The following CDH7 variants were observed in gnomAD, a reference collection of about 807,000 sequenced individuals.
CDH7 encodes cadherin-7.
Under a neutral mutation model 71.8 loss-of-function variants are expected in CDH7, and 25 were observed. The observed-to-expected ratio is 0.35, with a 90% CI of 0.25 to 0.49. The LOEUF (loss-of-function observed/expected upper bound fraction) is 0.49, where lower values mean the gene tolerates loss of function less well. Ranked by LOEUF, CDH7 falls within the 20% of genes least tolerant of loss-of-function variation. CDH7 has a pLI of 0.99. For missense variants in CDH7, 862 were observed against 974.6 expected (o/e 0.88, Z 1.54); for synonymous variants, 381 against 363.8 (o/e 1.05, Z -0.54).
chr18:65,833,964 T>A (rs1310243066), intron 6 of CDH7, among the ~76,000 whole-genome samples: 2 of 152,154 alleles, frequency 1.3e-5, no homozygotes, highest in African/African-American at 4.8e-5. Context: ...ATCAAAGATG[T>A]TTTCCAGTGA....
At chr18:65,874,192 C>A (rs1254929757) in intron 11 of CDH7, among the ~76,000 whole-genome samples, 2 of 152,002 alleles carry the variant, frequency 1.3e-5, no homozygotes, top group African/African-American at 4.8e-5. Context: ...GTGGTAGTAG[C>A]CACTAAACAA....
In CDH7 at chr18:65,782,165, CCTTT is replaced by C. The variant is rs1390509392; in HGVS notation, c.210+19133_210+19136del. ...TTCTTTCTTTCTTTCTTTCTTTCTT[CCTTT>C]CTTTCTTTCTTTCTTTCTTGACAGA... On this transcript the variant is annotated intron_variant, in intron 2 of 11. Coordinates refer to ENST00000397968, the MANE Select transcript of CDH7 (RefSeq NM_004361.5). Among the ~76,000 whole-genome samples the C allele has an allele frequency of 7.8e-4, 20 of 25,518 alleles. 2 individuals carry two copies. The highest frequency in any genetic ancestry group is 9.8e-4 in the Non-Finnish European group (13 of 13,218). The allele number at this position is 25,518 out of a possible 152,430, so 16.7% of individuals were successfully genotyped here. A position where few individuals can be genotyped will look rare whatever the true frequency, so the allele number is the denominator to read the frequency against.
chr18:65,848,957 T>G (rs540415016), intron 7 of CDH7, among the ~76,000 whole-genome samples: 12 of 152,172 alleles, frequency 7.9e-5, no homozygotes, highest in Non-Finnish European at 1.2e-4. Context: ...TTTGAATAAT[T>G]CAGTGTGTAT....
intron 6 of CDH7, among the ~76,000 whole-genome samples, chr18:65,829,741 G>T (rs1028439601): frequency 6.7e-6 from 1 of 150,188 alleles, no homozygotes; most frequent in Non-Finnish European, 1.5e-5. Context: ...CACAGCGCCT[G>T]TACCAGCAAG....
At chr18:65,810,052 T>A in intron 3 of CDH7, 54 bp downstream of exon 3, 1 of 1,435,130 alleles carries the variant, frequency 7.0e-7, no homozygotes, top group South Asian at 1.3e-5. Flanking sequence ...GGGAGATTTG[T>A]ATTTAAAATT....
chr18:65,753,772 G>GA (rs1420815195), intron 1 of CDH7, among the ~76,000 whole-genome samples: 1 of 152,168 alleles, frequency 6.6e-6, no homozygotes, highest in Non-Finnish European at 1.5e-5. Flanking sequence ...TGGTTCTGCA[G>GA]AAAGATACCC....
At chr18:65,835,689 G>A (rs1193369003) in intron 6 of CDH7, among the ~76,000 whole-genome samples, 1 of 152,142 alleles carries the variant, frequency 6.6e-6, no homozygotes, top group Non-Finnish European at 1.5e-5. Flanking sequence ...GAGCTGTAAG[G>A]TAAACCAGGT....
intron 2 of CDH7, among the ~76,000 whole-genome samples, chr18:65,775,623 A>G (rs1007414119): frequency 1.5e-4 from 23 of 152,202 alleles, no homozygotes; most frequent in Non-Finnish European, 2.2e-4. Context: ...TCTTGGACCA[A>G]ACATAAAATA....
At chr18:65,814,331 TA>T (rs199651757) in intron 3 of CDH7, among the ~76,000 whole-genome samples, 153 bp from the exon 4 acceptor site, 2 of 150,376 alleles carry the variant, frequency 1.3e-5, no homozygotes, top group Non-Finnish European at 3.0e-5. Flanking sequence ...CTGGTTTACT[TA>T]AAAAAATACT....
At position 65,824,595 on chromosome 18, in the gene CDH7, A is replaced by T. The variant is rs73966330; in HGVS notation, c.794-49A>T. The stretch of plus-strand genomic sequence containing the variant: ...AAAATAACCCAATATTTAAATTTTT[A>T]TTGGTTAGTTTGGTGTAACGTGTTC... On this transcript the variant is annotated intron_variant, in intron 5 of 11. Coordinates refer to ENST00000397968, the MANE Select transcript of CDH7 (RefSeq NM_004361.5). The T allele has an allele frequency of 7.2e-3, 8,773 of 1,225,374 alleles. 471 individuals are homozygous for T. The African/African-American group carries it at 0.12, about 17-fold the overall frequency. The allele number at this position is 1,225,374 out of a possible 1,614,324, so 75.9% of individuals were successfully genotyped here. A position where few individuals can be genotyped will look rare whatever the true frequency, so the allele number is the denominator to read the frequency against.
intron 6 of CDH7, among the ~76,000 whole-genome samples, chr18:65,842,181 G>C (rs1360647615): frequency 6.6e-6 from 1 of 151,910 alleles, no homozygotes; most frequent in South Asian, 2.1e-4. Flanking sequence ...TAATTTTTTT[G>C]TTGTTGTGTT....
intron 1 of CDH7, among the ~76,000 whole-genome samples, chr18:65,760,892 G>A (rs944599307): frequency 6.6e-6 from 1 of 152,156 alleles, no homozygotes; most frequent in African/African-American, 2.4e-5. Flanking sequence ...TAGGAAGCAC[G>A]CCTTTCAGGT....
chr18:65,839,951 TG>T (rs1445334682), intron 6 of CDH7, among the ~76,000 whole-genome samples: 1 of 152,146 alleles, frequency 6.6e-6, no homozygotes, highest in Admixed American at 6.6e-5. Flanking sequence ...TTTAAATGAT[TG>T]GAAAAACTCA....
chr18:65,812,541 A>G (rs1568198918), intron 3 of CDH7, among the ~76,000 whole-genome samples: 1 of 152,230 alleles, frequency 6.6e-6, no homozygotes, highest in Non-Finnish European at 1.5e-5. Flanking sequence ...AGACCATGCA[A>G]GCTTTCAGTG....
intron 5 of CDH7, 50 bp downstream of exon 5, chr18:65,822,298 C>G (rs770088230): frequency 2.2e-6 from 3 of 1,381,742 alleles, no homozygotes. Context: ...CCCTGAAAGT[C>G]TATAAAATAC....
chr18:65,751,965 T>C (rs566316010), intron 1 of CDH7, among the ~76,000 whole-genome samples: 1 of 152,234 alleles, frequency 6.6e-6, no homozygotes, highest in Admixed American at 6.5e-5. Context: ...GAGTAAAGAT[T>C]GGCAATGAGT....
chr18:65,816,659 A>G (rs1239170406), intron 4 of CDH7, among the ~76,000 whole-genome samples: 1 of 152,158 alleles, frequency 6.6e-6, no homozygotes, highest in South Asian at 2.1e-4. Flanking sequence ...AATTTCATCT[A>G]TAGCACTGTT....
chr18:65,817,322 T>TA (rs1911757343), intron 4 of CDH7, among the ~76,000 whole-genome samples: 2 of 152,154 alleles, frequency 1.3e-5, no homozygotes, highest in Non-Finnish European at 2.9e-5. Flanking sequence ...CGCCCGGTTC[T>TA]CATTCTATGC....
chr18:65,804,865 A>G (rs913445053), intron 2 of CDH7, among the ~76,000 whole-genome samples: 1 of 152,198 alleles, frequency 6.6e-6, no homozygotes, highest in African/African-American at 2.4e-5. Context: ...AAAATCACAC[A>G]CTAAATGTTA....
Sources: allele counts gnomAD v4.1 joint callset (sites outside exome capture counted in the v4.1 genomes callset), GRCh38; gene constraint gnomAD v4.1.1; transcripts MANE v1.5; gene names NCBI Gene and HGNC (gene_info 2026-07-23, HGNC 2026-07-21).